The following CPLANE1 variants were observed in gnomAD, a reference collection of about 807,000 sequenced individuals.
CPLANE1 encodes ciliogenesis and planar polarity effector 1.
Under a neutral mutation model 362.5 loss-of-function variants are expected in CPLANE1, and 263 were observed. That is an observed-to-expected ratio of 0.73 (90% CI 0.66 to 0.80). CPLANE1 has a LOEUF of 0.80. Among genes scored for constraint, CPLANE1 ranks in the 30% least tolerant of loss-of-function variants. CPLANE1 has a pLI of 0.00. For missense variants in CPLANE1, 3,461 were observed against 3,793.4 expected, an observed-to-expected ratio of 0.91 and a Z score of 2.30; for synonymous variants, 1,212 against 1,302.6, an observed-to-expected ratio of 0.93 and a Z score of 1.50.
chr5:37,095,975 T>C, the CPLANE1 span, among the ~76,000 whole-genome samples: 1 of 152,148 alleles, frequency 6.6e-6, no homozygotes, highest in Admixed American at 6.5e-5. Context: ...ATGGATAGAA[T>C]CAATATTGTA....
chr5:37,166,657 T>G (rs1306575276), intron 35 of CPLANE1, among the ~76,000 whole-genome samples: 1 of 152,132 alleles, frequency 6.6e-6, no homozygotes, highest in Non-Finnish European at 1.5e-5. Context: ...TATAATAGGG[T>G]TCAGTACTAT....
rs1043155251 is a variant in CPLANE1, at chr5:37,115,066, A to T, written c.9311-17T>A. On this transcript the variant is annotated splice_polypyrimidine_tract_variant and intron_variant, in intron 50 of 52. Coordinates refer to ENST00000651892, the MANE Select transcript of CPLANE1 (RefSeq NM_001384732.1). Reference sequence around the variant, plus strand: ...TGGCAGTTCCTATACAGAGAGACAAACATTATTAGCCTTCCATAGACATCC... The same window carrying T: ...TGGCAGTTCCTATACAGAGAGACAATCATTATTAGCCTTCCATAGACATCC... The T allele has an allele frequency of 1.9e-5, 28 of 1,481,622 alleles. No homozygotes were observed. The highest frequency in any genetic ancestry group is 2.5e-5 in the Non-Finnish European group (27 of 1,063,196). The allele number at this position is 1,481,622 out of a possible 1,614,324, so 91.8% of individuals were successfully genotyped here. A position where few individuals can be genotyped will look rare whatever the true frequency, so the allele number is the denominator to read the frequency against.
chr5:37,185,795 TA>T (rs1783817587), intron 24 of CPLANE1, among the ~76,000 whole-genome samples: 1 of 152,210 alleles, frequency 6.6e-6, no homozygotes, highest in Admixed American at 6.5e-5. Flanking sequence ...GCTAAAATGG[TA>T]AATTTTATAT....
At chr5:37,111,416 G>A (rs1043892071) in intron 51 of CPLANE1, among the ~76,000 whole-genome samples, 17 of 151,954 alleles carry the variant, frequency 1.1e-4, no homozygotes, top group Admixed American at 7.2e-4. Context: ...GTGAGCCACC[G>A]TGCCCGGCCT....
intron 44 of CPLANE1, chr5:37,141,832 C>G: frequency 3.1e-6 from 3 of 953,616 alleles, no homozygotes; most frequent in South Asian, 9.7e-5. Context: ...CTAAATCCTT[C>G]TAAATCTCAA....
Position 37,209,726 on chromosome 5 carries a change from C to T in CPLANE1, c.2921-3301G>A. The T allele has an allele frequency of 8.2e-7, 1 of 1,219,300 alleles. No individual in the cohort carries two copies. The highest frequency in any genetic ancestry group is 1.2e-5 in the South Asian group (1 of 82,976). 75.5% of individuals were successfully genotyped at this position (1,219,300 alleles called of 1,614,324 possible). On this transcript the variant is annotated intron_variant, in intron 16 of 52. Transcript: ENST00000651892. This position sits in a 1 kb window ranked among gnomAD's most constrained non-coding sequence, Gnocchi z 4.6. ...AACTCATTAAAATCAACCCTACTTC[C>T]AGTCTGTACAAATCACTGGTTTCAG... is the stretch of plus-strand genomic sequence containing the variant.
At position 37,167,123 on chromosome 5, in the gene CPLANE1, C is replaced by T. The variant is rs1378331431; in HGVS notation, c.7324G>A (p.Asp2442Asn). 6.2e-7 allele frequency: 1 copy of T among 1,613,304 alleles called. No homozygotes were observed. Among genetic ancestry groups the T allele is most frequent in the Admixed American group, 1.7e-5 (1 of 59,958 alleles). The change falls in exon 35 of 53, where the codon GAT (aspartate) becomes AAT (asparagine). Residue 2442 changes from aspartate to asparagine, a missense_variant. Asp to Asn is a conservative substitution (Grantham distance 23, BLOSUM62 1). Transcript: ENST00000651892. ...TTTAGAAGTTGAAGGTGTCCAGCATCACCTTGTTCAAATAAATTATGTGTT... is the reference window on the plus strand; with the variant it reads ...TTTAGAAGTTGAAGGTGTCCAGCATTACCTTGTTCAAATAAATTATGTGTT... ...KLTHNLFEQG[D>N]AGHLQLLKVK...
chr5:37,090,906 C>A, the CPLANE1 span, among the ~76,000 whole-genome samples: 1 of 152,214 alleles, frequency 6.6e-6, no homozygotes, highest in Admixed American at 6.5e-5. Context: ...ATTCCTAGAT[C>A]AATGTACACA....
chr5:37,117,676 C>T (rs1415041472), intron 50 of CPLANE1, among the ~76,000 whole-genome samples: 3 of 152,156 alleles, frequency 2.0e-5, no homozygotes, highest in African/African-American at 4.8e-5. Context: ...GGAAAACACA[C>T]AGATGATGCC....
intron 46 of CPLANE1, among the ~76,000 whole-genome samples, chr5:37,129,891 G>A (rs1765264428): frequency 6.6e-6 from 1 of 152,156 alleles, no homozygotes; most frequent in Non-Finnish European, 1.5e-5. Flanking sequence ...TCCCACTACT[G>A]GGTATCTACC....
intron 18 of CPLANE1, among the ~76,000 whole-genome samples, chr5:37,202,916 T>A (rs1246030132): frequency 6.6e-6 from 1 of 150,930 alleles, no homozygotes; most frequent in Non-Finnish European, 1.5e-5. Flanking sequence ...CTATTTTGTA[T>A]ATATTTATCT....
At chr5:37,136,060 T>C (rs113892215) in intron 46 of CPLANE1, among the ~76,000 whole-genome samples, 6,970 of 152,188 alleles carry the variant, frequency 0.046, 543 homozygotes, top group African/African-American at 0.16. Flanking sequence ...CACAATCATG[T>C]CCTTCCAACA....
At chr5:37,216,033 C>T (rs191953207) in intron 15 of CPLANE1, among the ~76,000 whole-genome samples, 2 of 151,858 alleles carry the variant, frequency 1.3e-5, no homozygotes, top group East Asian at 3.9e-4. Context: ...GATGGGGTTT[C>T]GCCATGTTGG....
In CPLANE1 at chr5:37,213,577, G is replaced by T; in HGVS notation, c.2902C>A (p.Pro968Thr). Residue 968 changes from proline to threonine, a missense_variant, in exon 16 of 53, where the codon CCA becomes ACA. Around this residue, in one of 2 missense-constraint regions of CPLANE1, gnomAD observed 3,380 missense variants for 3,666.1 expected, o/e 0.92. Transcript: ENST00000651892. ...LPPHHVNVLPPLHIKTEQSFR... is the reference protein window; with the variant it reads ...LPPHHVNVLPTLHIKTEQSFR... ...ACATTACCTGTTTTAATATGAAGTG[G>T]GGGAAGAACATTCACATGATGAGGG... 1 of 1,542,750 alleles carries T rather than the reference G, an allele frequency of 6.5e-7. No individual in the cohort carries two copies. Among genetic ancestry groups the T allele is most frequent in the Admixed American group, 2.0e-5 (1 of 50,102 alleles).
At chr5:37,149,512 G>T (rs2150544901) in intron 42 of CPLANE1, among the ~76,000 whole-genome samples, 1 of 152,230 alleles carries the variant, frequency 6.6e-6, no homozygotes, top group South Asian at 2.1e-4. Context: ...TCCACATTTG[G>T]TTGAACTGTC....
intron 43 of CPLANE1, among the ~76,000 whole-genome samples, chr5:37,144,888 G>A (rs1331399508): frequency 6.6e-6 from 1 of 151,456 alleles, no homozygotes; most frequent in Non-Finnish European, 1.5e-5. Context: ...TTAAAATGAA[G>A]TAATTGTTGG....
chr5:37,125,973 C>T (rs1397731084), intron 46 of CPLANE1, among the ~76,000 whole-genome samples: 1 of 152,176 alleles, frequency 6.6e-6, no homozygotes, highest in Non-Finnish European at 1.5e-5. Flanking sequence ...CTCAGTGGCT[C>T]ACACCTGTAA....
At chr5:37,143,090 G>A (rs1770300153) in intron 43 of CPLANE1, among the ~76,000 whole-genome samples, 1 of 152,122 alleles carries the variant, frequency 6.6e-6, no homozygotes, top group South Asian at 2.1e-4. Flanking sequence ...GCATGAACAG[G>A]GTCTGAATTT....
Position 37,198,926 on chromosome 5 carries a change from A to C in CPLANE1, c.3508-60T>G, listed in dbSNP as rs886794060. On this transcript the variant is annotated intron_variant, in intron 19 of 52. Coordinates refer to ENST00000651892, the MANE Select transcript of CPLANE1 (RefSeq NM_001384732.1). ...GTAATGAGAAAATTTAGAATGTTAA[A>C]ATGAAAATAAAGATAGGCTAATGAG... The C allele has an allele frequency of 2.4e-4, 359 of 1,494,610 alleles. 1 individual carries two copies. The highest frequency in any genetic ancestry group is 8.7e-4 in the South Asian group (74 of 85,198). 92.6% of individuals were successfully genotyped at this position (1,494,610 alleles called of 1,614,324 possible). A position where few individuals can be genotyped will look rare whatever the true frequency, so the allele number is the denominator to read the frequency against.
Sources: allele counts gnomAD v4.1 joint callset (sites outside exome capture counted in the v4.1 genomes callset), GRCh38; gene constraint gnomAD v4.1.1; regional missense constraint gnomAD v4.1.1; non-coding constraint Gnocchi (gnomAD v3.1); transcripts MANE v1.5; gene names NCBI Gene and HGNC (gene_info 2026-07-23, HGNC 2026-07-21).